KMT5B: variants seen among roughly 807,000 people sequenced by gnomAD.
The protein encoded by KMT5B is lysine methyltransferase 5B.
Under a neutral mutation model 83.2 loss-of-function variants are expected in KMT5B, and 10 were observed. The ratio of observed to expected loss-of-function variants is 0.12; its 90% CI spans 0.07 to 0.20. The LOEUF (loss-of-function observed/expected upper bound fraction) is 0.20, where lower values mean the gene tolerates loss of function less well. Ranked by LOEUF, KMT5B falls within the 10% of genes least tolerant of loss-of-function variation. KMT5B has a pLI of 1.00. For synonymous variants in KMT5B, 349 were observed against 388.8 expected (o/e 0.90, Z 1.20); for missense variants, 753 against 1,067.2 (o/e 0.71, Z 4.10).
intron 1 of KMT5B, among the ~76,000 whole-genome samples, chr11:68,204,611 GTTTTT>G (rs34315868): frequency 2.8e-5 from 3 of 106,148 alleles, no homozygotes; most frequent in East Asian, 3.1e-4. Flanking sequence ...TAAATTTCCG[GTTTTT>G]TTTTTTTTTT....
In KMT5B at chr11:68,158,007, T is replaced by C. The variant is rs1166943147; in HGVS notation, c.2339A>G (p.Gln780Arg). ...CCTATTTTCCTCATCTCGTTTTAGC[T>C]GGATTTTTAATTTTGTAGAACTACT... is the stretch of plus-strand genomic sequence containing the variant. Reference protein sequence around the residue: ...SGSSSTKLKIQLKRDEENRGS... With the variant: ...SGSSSTKLKIRLKRDEENRGS... Residue 780 changes from glutamine to arginine, a missense_variant, in exon 11 of 11, where the codon CAG becomes CGG. This residue lies in a region of KMT5B where 161 missense variants were observed against 195.1 expected (regional missense o/e 0.83). Coordinates refer to ENST00000304363, the MANE Select transcript of KMT5B (RefSeq NM_017635.5). 6.2e-7 allele frequency: 1 copy of C among 1,614,096 alleles called. No individual in the cohort carries two copies. The highest frequency in any genetic ancestry group is 1.3e-5 in the African/African-American group (1 of 74,950).
rs369013205 is a variant in KMT5B, at chr11:68,171,359, T to C, written c.821-108A>G. 5.8e-6 allele frequency: 8 copies of C among 1,369,600 alleles called. No homozygotes were observed. The East Asian group carries it at 1.6e-4, about 28-fold the overall frequency. 84.8% of individuals were successfully genotyped at this position (1,369,600 alleles called of 1,614,324 possible). ...TTCCATATAACTTTACAACTTTTGA[T>C]AGGAGTTTAGGTCTCAAGTTCAACT... On this transcript the variant is annotated intron_variant, in intron 7 of 10. Transcript: ENST00000304363. This position sits in a 1 kb window ranked among gnomAD's most constrained non-coding sequence, Gnocchi z 5.1.
intron 3 of KMT5B, among the ~76,000 whole-genome samples, chr11:68,185,237 C>T (rs1173581522): frequency 2.0e-5 from 3 of 151,896 alleles, no homozygotes; most frequent in African/African-American, 7.3e-5. Context: ...TGGAGTTTCG[C>T]TCTTGTTGCC....
intron 1 of KMT5B, among the ~76,000 whole-genome samples, chr11:68,203,530 C>T (rs746839037): frequency 1.6e-4 from 24 of 152,184 alleles, no homozygotes; most frequent in Non-Finnish European, 2.8e-4. Context: ...TCAATCCCAG[C>T]GATGAGGCCA....
intron 1 of KMT5B, among the ~76,000 whole-genome samples, chr11:68,199,317 T>C (rs2153082011): frequency 6.6e-6 from 1 of 152,266 alleles, no homozygotes; most frequent in South Asian, 2.1e-4. Flanking sequence ...AAGCCATTTA[T>C]GGTGGCAGGG....
chr11:68,158,763 T>A lies in KMT5B; in HGVS notation c.1583A>T (p.Gln528Leu). The change falls in exon 11 of 11, where the codon CAG becomes CTG. Residue 528 changes from glutamine to leucine, a missense_variant. By Grantham distance (113) the Gln-to-Leu change is moderately radical (BLOSUM62 -2). Coordinates refer to ENST00000304363, the MANE Select transcript of KMT5B (RefSeq NM_017635.5). ...GTAGGTGCAGGGCGAGCTCTCCCCCTGCGAATGAGCACCTCTCACAGGATT... is the reference window on the plus strand; with the variant it reads ...GTAGGTGCAGGGCGAGCTCTCCCCCAGCGAATGAGCACCTCTCACAGGATT... ...RQNPVRGAHS[Q>L]GESSPCTYIT... 1.2e-6 allele frequency: 2 copies of A among 1,614,180 alleles called. No homozygotes were observed. Among genetic ancestry groups the A allele is most frequent in the Non-Finnish European group, 1.7e-6 (2 of 1,180,026 alleles).
rs368248899 is a variant in KMT5B, at chr11:68,194,430, C to T, written c.-76-4278G>A. On this transcript the variant is annotated intron_variant, in intron 1 of 10. Coordinates refer to ENST00000304363, the MANE Select transcript of KMT5B (RefSeq NM_017635.5). ...CTAGTCTTGAACTCCTGGCCACAAG[C>T]GATCCTCCCACCTCGGCCTCCCAAA... Among the ~76,000 whole-genome samples, 9 of 151,974 alleles carry T rather than the reference C, an allele frequency of 5.9e-5. No individual in the cohort carries two copies. The East Asian group carries it at 9.7e-4, about 16-fold the overall frequency.
At chr11:68,179,755 G>T (rs1169184541) in intron 4 of KMT5B, 3 of 687,784 alleles carry the variant, frequency 4.4e-6, no homozygotes, top group African/African-American at 1.9e-5. Context: ...CCCCTCTGAA[G>T]AAAGTTTAGC....
At chr11:68,208,924 A>G (rs79282223) in intron 1 of KMT5B, among the ~76,000 whole-genome samples, 7,721 of 152,088 alleles carry the variant, frequency 0.051, 215 homozygotes, top group African/African-American at 0.06. Context: ...CCAAACAAAT[A>G]TTTGCTTTAA....
At chr11:68,179,491 G>A (rs1405936194) in intron 4 of KMT5B, 1 of 1,304,192 alleles carries the variant, frequency 7.7e-7, no homozygotes, top group East Asian at 5.5e-5. Context: ...TCTTTCCAGA[G>A]ACTCACTTCC....
intron 6 of KMT5B, among the ~76,000 whole-genome samples, chr11:68,172,542 T>G (rs1855940512): frequency 6.6e-6 from 1 of 152,114 alleles, no homozygotes; most frequent in African/African-American, 2.4e-5. Flanking sequence ...CAACAATATA[T>G]TTTAACCCAA....
intron 6 of KMT5B, among the ~76,000 whole-genome samples, chr11:68,172,647 T>C (rs1855949572): frequency 6.6e-6 from 1 of 152,098 alleles, no homozygotes; most frequent in African/African-American, 2.4e-5. Flanking sequence ...TTACAGCGCT[T>C]CTCAATTCAG....
At chr11:68,200,520 T>A (rs1859302482) in intron 1 of KMT5B, among the ~76,000 whole-genome samples, 1 of 152,160 alleles carries the variant, frequency 6.6e-6, no homozygotes, top group African/African-American at 2.4e-5. Flanking sequence ...GGGCTTTGCT[T>A]TAAGAAACAG....
chr11:68,204,236 G>A (rs1429908865), intron 1 of KMT5B, among the ~76,000 whole-genome samples: 1 of 152,186 alleles, frequency 6.6e-6, no homozygotes, highest in Non-Finnish European at 1.5e-5. Flanking sequence ...CTGTAGTATG[G>A]TGGAAAACGG....
In KMT5B at chr11:68,175,230, C is replaced by T. The variant is rs779902824; in HGVS notation, c.378-47G>A. 50 of 1,476,146 alleles carry T rather than the reference C, an allele frequency of 3.4e-5. 1 individual carries two copies. In the South Asian group the frequency reaches 3.7e-4, roughly 11 times the overall value. The allele number at this position is 1,476,146 out of a possible 1,614,324, so 91.4% of individuals were successfully genotyped here. ...AATGGGTTATCTGCCACAATCCTTGCGCCACTGATCCATCTTAACAGATCT... is the reference window on the plus strand; with the variant it reads ...AATGGGTTATCTGCCACAATCCTTGTGCCACTGATCCATCTTAACAGATCT... On this transcript the variant is annotated intron_variant, in intron 4 of 10. Coordinates refer to ENST00000304363, the MANE Select transcript of KMT5B (RefSeq NM_017635.5).
chr11:68,166,712 A>T, intron 10 of KMT5B: 1 of 1,278,848 alleles, frequency 7.8e-7, no homozygotes, highest in Non-Finnish European at 9.9e-7. Flanking sequence ...TTTAAAACAT[A>T]TGATGACCTT....
At chr11:68,198,370 A>C (rs1487695018) in intron 1 of KMT5B, among the ~76,000 whole-genome samples, 1 of 152,190 alleles carries the variant, frequency 6.6e-6, no homozygotes, top group African/African-American at 2.4e-5. Flanking sequence ...CCTGGGCGAC[A>C]CAGCAAGACT....
At chr11:68,169,088 G>A (rs1855591639) in intron 9 of KMT5B, among the ~76,000 whole-genome samples, 2 of 152,176 alleles carry the variant, frequency 1.3e-5, no homozygotes, top group Non-Finnish European at 2.9e-5. Context: ...CAATAGCCAT[G>A]GCCACTATTC....
At chr11:68,199,411 A>C (rs1233097411) in intron 1 of KMT5B, among the ~76,000 whole-genome samples, 1 of 152,172 alleles carries the variant, frequency 6.6e-6, no homozygotes, top group African/African-American at 2.4e-5. Flanking sequence ...GCATCAGGCA[A>C]GAAGCATGCA....
Sources: gnomAD v4.1 joint callset for allele counts (sites outside exome capture counted in the v4.1 genomes callset) on GRCh38, gnomAD v4.1.1 for gene constraint, gnomAD v4.1.1 regional missense constraint, Gnocchi (gnomAD v3.1) non-coding constraint, MANE v1.5 for transcripts, NCBI Gene and HGNC (gene_info 2026-07-23, HGNC 2026-07-21) for gene names.